The following DYNC2H1 variants were observed in gnomAD, a reference collection of about 807,000 sequenced individuals.
DYNC2H1 encodes cytoplasmic dynein 2 heavy chain 1.
Under a neutral mutation model 570.0 loss-of-function variants are expected in DYNC2H1, and 410 were observed. The observed-to-expected ratio is 0.72, with a 90% CI of 0.66 to 0.78. DYNC2H1 has a LOEUF of 0.78. DYNC2H1 is among the 30% of genes least tolerant of loss of function. The pLI is 0.00. For missense variants in DYNC2H1, 4,865 were observed against 5,046.4 expected (o/e 0.96, Z 1.09); for synonymous variants, 1,688 against 1,677.6 (o/e 1.01, Z -0.15).
chr11:103,428,202 A>ATTTT (rs1177489738), intron 84 of DYNC2H1, among the ~76,000 whole-genome samples: 1 of 128,202 alleles, frequency 7.8e-6, no homozygotes. Context: ...TTTTTTTTTC[A>ATTTT]GAATATCTGA....
chr11:103,350,710 G>A (rs1940007767), intron 82 of DYNC2H1, among the ~76,000 whole-genome samples: 1 of 152,220 alleles, frequency 6.6e-6, no homozygotes, highest in African/African-American at 2.4e-5. Context: ...TTCCAGGCTT[G>A]TAGACAGCTG....
chr11:103,254,507 A>T lies in DYNC2H1; in HGVS notation c.10207-908A>T, dbSNP rs768333780. Reference sequence around the variant, plus strand: ...AATGTACATACCATACAACTTGCTGATTTAAAATGTATAATTCAATGGTTT... The same window carrying T: ...AATGTACATACCATACAACTTGCTGTTTTAAAATGTATAATTCAATGGTTT... On this transcript the variant is annotated intron_variant, in intron 66 of 88. Transcript: ENST00000375735. The surrounding 1 kb of genome is among the most constrained non-coding windows in gnomAD (Gnocchi z 4.9). 5.9e-5 allele frequency among the ~76,000 whole-genome samples: 9 copies of T among 152,222 alleles called. No individual in the cohort carries two copies. The highest frequency in any genetic ancestry group is 1.2e-4 in the Non-Finnish European group (8 of 68,040).
At chr11:103,336,596 T>C (rs1362043719) in intron 82 of DYNC2H1, among the ~76,000 whole-genome samples, 1 of 152,212 alleles carries the variant, frequency 6.6e-6, no homozygotes, top group Non-Finnish European at 1.5e-5. Context: ...CTTAATATAA[T>C]GCCTTCTAGT....
At chr11:103,109,829 C>T in intron 1 of DYNC2H1, 60 bp downstream of exon 1, 1 of 1,524,362 alleles carries the variant, frequency 6.6e-7, no homozygotes, top group Non-Finnish European at 8.9e-7. Context: ...CAGGCCCAGC[C>T]AGAGGGACGT....
At chr11:103,392,530 C>T (rs183315955) in intron 83 of DYNC2H1, among the ~76,000 whole-genome samples, 158 of 152,312 alleles carry the variant, frequency 1.0e-3, no homozygotes, top group South Asian at 2.3e-3. Flanking sequence ...GAGATGAACC[C>T]GGTACCTCAG....
intron 43 of DYNC2H1, 128 bp from the exon 44 acceptor site, chr11:103,188,369 C>T: frequency 1.6e-6 from 1 of 630,050 alleles, no homozygotes; most frequent in Non-Finnish European, 2.6e-6. Flanking sequence ...ACCATTTAAT[C>T]TAAAATTCTT....
intron 60 of DYNC2H1, among the ~76,000 whole-genome samples, chr11:103,231,879 T>TC (rs1051011750): frequency 7.2e-5 from 11 of 151,898 alleles, no homozygotes; most frequent in African/African-American, 2.7e-4. Flanking sequence ...TGTTTCTCTC[T>TC]CCCCCTCTCT....
intron 83 of DYNC2H1, among the ~76,000 whole-genome samples, chr11:103,368,124 A>G (rs1421716526): frequency 6.6e-6 from 1 of 152,192 alleles, no homozygotes; most frequent in Non-Finnish European, 1.5e-5. Flanking sequence ...TTGGATATAT[A>G]CCCAGTAGTG....
At chr11:103,371,582 A>G (rs1460238793) in intron 83 of DYNC2H1, among the ~76,000 whole-genome samples, 1 of 152,234 alleles carries the variant, frequency 6.6e-6, no homozygotes, top group Non-Finnish European at 1.5e-5. Flanking sequence ...GTAACATACA[A>G]TGGAGCTCCA....
chr11:103,386,352 C>A (rs61896837), intron 83 of DYNC2H1, among the ~76,000 whole-genome samples: 20,345 of 151,958 alleles, frequency 0.13, 1,619 homozygotes, highest in Admixed American at 0.24. Flanking sequence ...TCTACAGTAG[C>A]TGTTGAAATG....
chr11:103,382,077 T>G (rs1565545221), intron 83 of DYNC2H1, among the ~76,000 whole-genome samples: 1 of 151,358 alleles, frequency 6.6e-6, no homozygotes, highest in Non-Finnish European at 1.5e-5. Context: ...GTTCTTGTTT[T>G]AAAATTTTTA....
At chr11:103,340,550 T>C (rs1939393446) in intron 82 of DYNC2H1, among the ~76,000 whole-genome samples, 1 of 152,180 alleles carries the variant, frequency 6.6e-6, no homozygotes, top group African/African-American at 2.4e-5. Context: ...AATAATTAGG[T>C]AATTTGGTAT....
At chr11:103,460,617 A>G (rs1052039066) in intron 87 of DYNC2H1, among the ~76,000 whole-genome samples, 1 of 148,086 alleles carries the variant, frequency 6.8e-6, no homozygotes, top group Non-Finnish European at 1.5e-5. Context: ...GTAGACTTCA[A>G]TAATAACTTC....
Position 103,241,465 on chromosome 11 carries a change from T to G in DYNC2H1, c.9820-2228T>G. On this transcript the variant is annotated intron_variant, in intron 63 of 88. Transcript: ENST00000375735. The surrounding 1 kb of genome is among the most constrained non-coding windows in gnomAD (Gnocchi z 5.1). ...AAGTACCCTTTGAAAAACTTAAGCA[T>G]GTTTTCTTTGCTAAAAACATTTTGA... The G allele has an allele frequency of 6.8e-7, 1 of 1,474,914 alleles. No homozygotes were observed. The highest frequency in any genetic ancestry group is 9.4e-7 in the Non-Finnish European group (1 of 1,068,010). 91.4% of individuals were successfully genotyped at this position (1,474,914 alleles called of 1,614,324 possible). A position where few individuals can be genotyped will look rare whatever the true frequency, so the allele number is the denominator to read the frequency against.
At position 103,151,574 on chromosome 11, in the gene DYNC2H1, C is replaced by G. The variant is rs118011610; in HGVS notation, c.2947-562C>G. On this transcript the variant is annotated intron_variant, in intron 20 of 88. Coordinates refer to ENST00000375735, the MANE Select transcript of DYNC2H1 (RefSeq NM_001377.3). This position sits in a 1 kb window ranked among gnomAD's most constrained non-coding sequence, Gnocchi z 4.6. Reference sequence around the variant, plus strand: ...TTCCAGCAGTTTAGCACCCATTGACCTACACCCAAACTGTTTAACAAACTG... The same window carrying G: ...TTCCAGCAGTTTAGCACCCATTGACGTACACCCAAACTGTTTAACAAACTG... Among the ~76,000 whole-genome samples, 3,175 of 152,254 alleles carry G rather than the reference C, an allele frequency of 0.021. 47 individuals carry two copies. The highest frequency in any genetic ancestry group is 0.033 in the Non-Finnish European group (2,233 of 68,010).
chr11:103,376,165 C>A (rs112292269), intron 83 of DYNC2H1, among the ~76,000 whole-genome samples: 2 of 152,146 alleles, frequency 1.3e-5, no homozygotes, highest in Non-Finnish European at 2.9e-5. Context: ...GAGGTGCCTT[C>A]GGCCATGATT....
intron 86 of DYNC2H1, among the ~76,000 whole-genome samples, 162 bp downstream of exon 86, chr11:103,455,457 T>C (rs920832097): frequency 1.3e-5 from 2 of 152,194 alleles, no homozygotes; most frequent in African/African-American, 4.8e-5. Context: ...CAGTTAACCT[T>C]TAGCTTAAAA....
At chr11:103,458,426 CATT>C (rs1944871103) in intron 87 of DYNC2H1, among the ~76,000 whole-genome samples, 1 of 152,064 alleles carries the variant, frequency 6.6e-6, no homozygotes, top group Admixed American at 6.5e-5. Flanking sequence ...GTATTCCCAT[CATT>C]AAGTGATGTA....
chr11:103,443,569 G>C (rs1175728246), intron 85 of DYNC2H1, among the ~76,000 whole-genome samples: 1 of 151,468 alleles, frequency 6.6e-6, no homozygotes, highest in East Asian at 1.9e-4. Context: ...AAAGAATCTT[G>C]AACATAAGAC....
Sources: allele counts gnomAD v4.1 joint callset (sites outside exome capture counted in the v4.1 genomes callset), GRCh38; gene constraint gnomAD v4.1.1; non-coding constraint Gnocchi (gnomAD v3.1); transcripts MANE v1.5; gene names NCBI Gene and HGNC (gene_info 2026-07-23, HGNC 2026-07-21).